Variants in PKIG observed in about 807,000 individuals in gnomAD.
PKIG encodes the protein cAMP-dependent protein kinase inhibitor gamma, also known as protein kinase (cAMP-dependent, catalytic) inhibitor gamma.
Under a neutral mutation model 6.8 loss-of-function variants are expected in PKIG, and 1 was observed. The observed-to-expected ratio is 0.15, with a 90% CI of 0.05 to 0.69. PKIG has a LOEUF of 0.69. Among genes scored for constraint, PKIG ranks in the 30% least tolerant of loss-of-function variants. The pLI is 0.82. For missense variants in PKIG, 77 were observed against 104.0 expected, an observed-to-expected ratio of 0.74 and a Z score of 1.13; for synonymous variants, 39 against 43.0, an observed-to-expected ratio of 0.91 and a Z score of 0.36.
At chr20:44,612,316 A>C (rs184678980) in intron 2 of PKIG, among the ~76,000 whole-genome samples, 21 of 152,252 alleles carry the variant, frequency 1.4e-4, no homozygotes, top group Admixed American at 3.3e-4. Flanking sequence ...GACCAGGTGC[A>C]GTAAACATCC....
At chr20:44,598,096 C>T (rs2065089983) in intron 2 of PKIG, among the ~76,000 whole-genome samples, 4 of 152,186 alleles carry the variant, frequency 2.6e-5, no homozygotes, top group Admixed American at 2.6e-4. Context: ...TTGGGGCCAG[C>T]ACCGCTGAAG....
At chr20:44,580,205 T>A (rs1261523847), upstream of PKIG, among the ~76,000 whole-genome samples, 1 of 152,106 alleles carries the variant, frequency 6.6e-6, no homozygotes. Flanking sequence ...GTAAGGCTGT[T>A]ATTCTTCTCA....
chr20:44,557,003 A>C (rs1449337958), intron 1 of PKIG, among the ~76,000 whole-genome samples: 1 of 152,122 alleles, frequency 6.6e-6, no homozygotes, highest in Non-Finnish European at 1.5e-5. Flanking sequence ...GGTTTTATGC[A>C]TCTTGCAATA....
intron 1 of PKIG, among the ~76,000 whole-genome samples, chr20:44,556,156 G>A (rs2064711210): frequency 1.3e-5 from 2 of 152,066 alleles, no homozygotes; most frequent in African/African-American, 4.8e-5. Context: ...CTAATTTAAA[G>A]TTTATTGCTG....
At chr20:44,573,224 G>C in intron 1 of PKIG, among the ~76,000 whole-genome samples, 1 of 152,244 alleles carries the variant, frequency 6.6e-6, no homozygotes, top group East Asian at 1.9e-4. Context: ...TAGAGCAACT[G>C]AGGACAGTCC....
intron 2 of PKIG, among the ~76,000 whole-genome samples, chr20:44,597,563 C>G (rs571397292): frequency 1.4e-4 from 21 of 152,246 alleles, no homozygotes; most frequent in African/African-American, 4.6e-4. Flanking sequence ...TTTGGAGATG[C>G]ATTTTATAGA....
chr20:44,563,299 G>A (rs563970049), intron 1 of PKIG, among the ~76,000 whole-genome samples: 12 of 152,106 alleles, frequency 7.9e-5, no homozygotes, highest in East Asian at 1.9e-4. Flanking sequence ...CTATATATTA[G>A]CAGAGCACAA....
intron 2 of PKIG, among the ~76,000 whole-genome samples, chr20:44,609,031 A>G (rs2065191145): frequency 6.6e-6 from 1 of 152,148 alleles, no homozygotes. Context: ...AGGATTTCCA[A>G]CTCTGAGGAT....
upstream of PKIG, among the ~76,000 whole-genome samples, chr20:44,580,148 A>G (rs6031660): frequency 1.1e-4 from 17 of 152,326 alleles, no homozygotes; most frequent in East Asian, 5.8e-4. Flanking sequence ...ATATTTTTCA[A>G]TGTATAGTAT....
upstream of PKIG, among the ~76,000 whole-genome samples, chr20:44,581,406 A>G (rs6031662): frequency 0.07 from 10,666 of 152,252 alleles, 408 homozygotes; most frequent in South Asian, 0.15. Context: ...TGACAGTTAA[A>G]AAAACTGAAG....
At chr20:44,550,813 C>T (rs1380462946) in intron 1 of PKIG, among the ~76,000 whole-genome samples, 1 of 152,092 alleles carries the variant, frequency 6.6e-6, no homozygotes, top group Non-Finnish European at 1.5e-5. Context: ...TGGTCTTAAC[C>T]TCTATTATGA....
At chr20:44,601,854 A>G (rs1249414547) in intron 2 of PKIG, among the ~76,000 whole-genome samples, 1 of 152,266 alleles carries the variant, frequency 6.6e-6, no homozygotes, top group Non-Finnish European at 1.5e-5. Context: ...TGCCTGAGCA[A>G]TGAGGACTAA....
In PKIG at chr20:44,614,789, G is replaced by T; in HGVS notation, c.151+82G>T. 1 of 1,419,268 alleles carries T rather than the reference G, an allele frequency of 7.0e-7. No homozygotes were observed. Among genetic ancestry groups the T allele is most frequent in the Non-Finnish European group, 9.7e-7 (1 of 1,031,446 alleles). 87.9% of individuals were successfully genotyped at this position (1,419,268 alleles called of 1,614,324 possible). On this transcript the variant is annotated intron_variant, in intron 3 of 3. Coordinates refer to ENST00000372886, the MANE Select transcript of PKIG (RefSeq NM_001281445.2). This position sits in a 1 kb window ranked among gnomAD's most constrained non-coding sequence, Gnocchi z 4.6. ...CGGGCTAGCCTCCAAGTCCTAGACTGCCCATACTTTCTTAGAGAAGAAACC... is the reference window on the plus strand; with the variant it reads ...CGGGCTAGCCTCCAAGTCCTAGACTTCCCATACTTTCTTAGAGAAGAAACC...
At chr20:44,607,166 A>G (rs1348703691) in intron 2 of PKIG, among the ~76,000 whole-genome samples, 1 of 152,084 alleles carries the variant, frequency 6.6e-6, no homozygotes, top group African/African-American at 2.4e-5. Flanking sequence ...TCAACAGGGA[A>G]GTAATTAAAT....
chr20:44,617,436 G>A (rs2065275525), intron 3 of PKIG, among the ~76,000 whole-genome samples: 2 of 152,246 alleles, frequency 1.3e-5, no homozygotes, highest in Non-Finnish European at 2.9e-5. Context: ...GGGCCTGGGT[G>A]TGAGTTTGGC....
intron 1 of PKIG, among the ~76,000 whole-genome samples, chr20:44,558,835 T>C (rs1335021675): frequency 6.6e-6 from 1 of 151,916 alleles, no homozygotes; most frequent in Non-Finnish European, 1.5e-5. Flanking sequence ...CACTGCAGCC[T>C]CCACCTCCAC....
chr20:44,575,030 C>T (rs1268758002), intron 1 of PKIG, among the ~76,000 whole-genome samples: 1 of 151,992 alleles, frequency 6.6e-6, no homozygotes, highest in Non-Finnish European at 1.5e-5. Context: ...CTCACATTAC[C>T]ATACTGCTTT....
intron 1 of PKIG, among the ~76,000 whole-genome samples, chr20:44,551,015 A>G (rs571592671): frequency 3.3e-4 from 51 of 152,298 alleles, no homozygotes; most frequent in African/African-American, 1.2e-3. Flanking sequence ...ATTTGAAAAT[A>G]TATTATGGAC....
chr20:44,589,030 G>A (rs1036359681), intron 1 of PKIG, among the ~76,000 whole-genome samples: 2 of 152,168 alleles, frequency 1.3e-5, no homozygotes, highest in African/African-American at 4.8e-5. Context: ...TTTCAAAAGA[G>A]AGAAGTTTCC....
Sources: gnomAD v4.1 joint callset for allele counts (sites outside exome capture counted in the v4.1 genomes callset) on GRCh38, gnomAD v4.1.1 for gene constraint, Gnocchi (gnomAD v3.1) non-coding constraint, MANE v1.5 for transcripts, NCBI Gene and HGNC (gene_info 2026-07-23, HGNC 2026-07-21) for gene names.